CNTN4: variants seen among roughly 807,000 people sequenced by gnomAD.
The protein encoded by CNTN4 is contactin-4.
A neutral mutation model predicts 122.5 loss-of-function variants in CNTN4; 77 were observed. That is an observed-to-expected ratio of 0.63 (90% CI 0.52 to 0.76). The LOEUF (loss-of-function observed/expected upper bound fraction) is 0.76. Ranked by LOEUF, CNTN4 falls within the 30% of genes least tolerant of loss-of-function variation. CNTN4 has a pLI of 0.00. For synonymous variants in CNTN4, 512 were observed against 447.0 expected (o/e 1.15, Z -1.83); for missense variants, 1,256 against 1,259.1 (o/e 1.00, Z 0.04).
At chr3:3,041,490 A>G (rs1700159882) in intron 20 of CNTN4, among the ~76,000 whole-genome samples, 1 of 152,236 alleles carries the variant, frequency 6.6e-6, no homozygotes, top group Non-Finnish European at 1.5e-5. Context: ...TCAGGTTCAC[A>G]CTGCAATCTG....
intron 3 of CNTN4, among the ~76,000 whole-genome samples, chr3:2,414,749 G>A (rs1261988355): frequency 6.6e-6 from 1 of 152,002 alleles, no homozygotes; most frequent in Non-Finnish European, 1.5e-5. Context: ...CTATAGTATG[G>A]AGAAAGAAGG....
At chr3:2,139,473 T>C (rs182137510) in intron 2 of CNTN4, among the ~76,000 whole-genome samples, 4 of 152,324 alleles carry the variant, frequency 2.6e-5, no homozygotes, top group Non-Finnish European at 4.4e-5. Context: ...TTGATTTTCA[T>C]GACGCACATT....
intron 3 of CNTN4, among the ~76,000 whole-genome samples, chr3:2,433,374 C>T (rs1046773424): frequency 2.5e-4 from 38 of 152,012 alleles, no homozygotes; most frequent in African/African-American, 8.9e-4. Flanking sequence ...TTTGTGTTTC[C>T]CTGATTATCG....
At chr3:2,740,990 A>G (rs1228964517) in intron 5 of CNTN4, among the ~76,000 whole-genome samples, 1 of 152,236 alleles carries the variant, frequency 6.6e-6, no homozygotes, top group Non-Finnish European at 1.5e-5. Context: ...ATCACCAGAG[A>G]AAGAAAATAA....
chr3:2,827,041 T>C (rs773612989), intron 7 of CNTN4, among the ~76,000 whole-genome samples: 1 of 152,176 alleles, frequency 6.6e-6, no homozygotes, highest in Non-Finnish European at 1.5e-5. Context: ...TTCTAAGTAT[T>C]GCTTAAGTCT....
intron 15 of CNTN4, among the ~76,000 whole-genome samples, chr3:3,030,200 T>A (rs1329412881): frequency 1.3e-5 from 2 of 152,188 alleles, no homozygotes; most frequent in Admixed American, 6.5e-5. Flanking sequence ...AGTACTGTGC[T>A]GGCGAATGCT....
chr3:2,601,995 A>T (rs1310847802), intron 4 of CNTN4, among the ~76,000 whole-genome samples: 1 of 152,208 alleles, frequency 6.6e-6, no homozygotes, highest in Non-Finnish European at 1.5e-5. Context: ...CAAAAACCAC[A>T]TGATTATCTC....
intron 6 of CNTN4, among the ~76,000 whole-genome samples, chr3:2,816,312 G>C (rs188022647): frequency 0.012 from 1,719 of 138,840 alleles, 180 homozygotes; most frequent in African/African-American, 0.053. Flanking sequence ...CGAGATCGTG[G>C]CACTGCACTC....
chr3:2,564,134 T>C (rs1034663209), intron 3 of CNTN4, among the ~76,000 whole-genome samples: 3 of 152,184 alleles, frequency 2.0e-5, no homozygotes, highest in Non-Finnish European at 2.9e-5. Flanking sequence ...TATAAGCATG[T>C]TATTTTTTCA....
chr3:2,866,645 C>T, intron 7 of CNTN4, 107 bp from the exon 8 acceptor site: 1 of 1,247,630 alleles, frequency 8.0e-7, no homozygotes, highest in Non-Finnish European at 1.2e-6. Flanking sequence ...GAAAAAGAGT[C>T]ATTGGACAAC....
chr3:2,254,421 G>A (rs192398677), intron 2 of CNTN4, among the ~76,000 whole-genome samples: 2 of 152,220 alleles, frequency 1.3e-5, no homozygotes, highest in Admixed American at 6.5e-5. Flanking sequence ...TGGGATTATT[G>A]GGTCAAATGG....
At chr3:2,802,982 T>A (rs2092383804) in intron 6 of CNTN4, among the ~76,000 whole-genome samples, 1 of 152,170 alleles carries the variant, frequency 6.6e-6, no homozygotes, top group South Asian at 2.1e-4. Flanking sequence ...GGACTGTCGT[T>A]TATCAAAGAA....
At chr3:2,202,342 A>G (rs73017097) in intron 2 of CNTN4, among the ~76,000 whole-genome samples, 6,240 of 152,116 alleles carry the variant, frequency 0.041, 183 homozygotes, top group Non-Finnish European at 0.062. Flanking sequence ...CTGTGGGAAA[A>G]CCATGGGGGT....
chr3:2,256,292 C>T (rs1385089727), intron 2 of CNTN4, among the ~76,000 whole-genome samples: 1 of 152,040 alleles, frequency 6.6e-6, no homozygotes. Context: ...AATTGAGGCA[C>T]TAATTAATAG....
intron 6 of CNTN4, among the ~76,000 whole-genome samples, chr3:2,783,836 A>C (rs1195716710): frequency 6.6e-6 from 1 of 152,206 alleles, no homozygotes; most frequent in Non-Finnish European, 1.5e-5. Context: ...CACCAGGTTG[A>C]CACTTAATGA....
intron 2 of CNTN4, among the ~76,000 whole-genome samples, chr3:2,194,402 A>G (rs916808446): frequency 5.9e-5 from 9 of 152,134 alleles, no homozygotes; most frequent in African/African-American, 2.2e-4. Flanking sequence ...TTGAGGCTGG[A>G]GGAAACCATG....
chr3:2,301,622 G>A (rs1288216876), intron 2 of CNTN4, among the ~76,000 whole-genome samples: 1 of 152,128 alleles, frequency 6.6e-6, no homozygotes, highest in East Asian at 1.9e-4. Context: ...TTGATTATCA[G>A]CCTTGAACAG....
intron 4 of CNTN4, among the ~76,000 whole-genome samples, chr3:2,646,178 A>G (rs1352770798): frequency 6.6e-6 from 1 of 152,210 alleles, no homozygotes; most frequent in East Asian, 1.9e-4. Flanking sequence ...ATATAAAAGT[A>G]TCTACTAGTG....
chr3:2,809,797 C>CT (rs1193058602), intron 6 of CNTN4, among the ~76,000 whole-genome samples: 3 of 152,048 alleles, frequency 2.0e-5, no homozygotes, highest in African/African-American at 7.2e-5. Context: ...GATAGGTGTA[C>CT]TTTTTTGTGG....
Sources: gnomAD v4.1 joint callset for allele counts (sites outside exome capture counted in the v4.1 genomes callset) on GRCh38, gnomAD v4.1.1 for gene constraint, MANE v1.5 for transcripts, NCBI Gene and HGNC (gene_info 2026-07-23, HGNC 2026-07-21) for gene names.